SMC5: variants seen among roughly 807,000 people sequenced by gnomAD.
SMC5 encodes structural maintenance of chromosomes 5.
A neutral mutation model predicts 148.3 loss-of-function variants in SMC5; 88 were observed. The observed-to-expected ratio is 0.59, with a 90% CI of 0.50 to 0.71. SMC5 has a LOEUF of 0.71. Among genes scored for constraint, SMC5 ranks in the 30% least tolerant of loss-of-function variants. The pLI is 0.00. For synonymous variants in SMC5, 421 were observed against 432.8 expected, an observed-to-expected ratio of 0.97 and a Z score of 0.34; for missense variants, 1,142 against 1,298.9, an observed-to-expected ratio of 0.88 and a Z score of 1.86.
chr9:70,311,955 C>T (rs1486489973), intron 11 of SMC5: 2 of 151,674 alleles, frequency 1.3e-5, no homozygotes, highest in African/African-American at 4.8e-5. Flanking sequence ...TTTCACACTG[C>T]TATAAAGAAC....
At chr9:70,295,403 G>A (rs1221806072) in intron 8 of SMC5, among the ~76,000 whole-genome samples, 4 of 151,008 alleles carry the variant, frequency 2.6e-5, no homozygotes, top group Admixed American at 6.6e-5. Flanking sequence ...CCCAGGAGGC[G>A]GAGCTTGCAG....
In SMC5 at chr9:70,347,919, G is replaced by A. The variant is rs767165832; in HGVS notation, c.2770G>A (p.Val924Ile). ...GTTTTTATATTGCCTTTATTTGTAG[G>A]TAAAAGAAAGGTGGCTTAATCCTTT... ...LDQYRENISQ[V>I]KERWLNPLKE... The change falls in exon 22 of 25, where the codon GTA becomes ATA. Residue 924 changes from valine to isoleucine, a missense_variant and splice_region_variant. Around this residue, in one of 5 missense-constraint regions of SMC5, gnomAD observed 743 missense variants for 835.7 expected, o/e 0.89. Coordinates refer to ENST00000361138, the MANE Select transcript of SMC5 (RefSeq NM_015110.4). 2 of 1,576,386 alleles carry A rather than the reference G, an allele frequency of 1.3e-6. No homozygotes were observed. Among genetic ancestry groups the A allele is most frequent in the Non-Finnish European group, 1.7e-6 (2 of 1,163,146 alleles).
rs185409019 is a variant in SMC5, at chr9:70,323,614, A to G, written c.2274+8A>G. On this transcript the variant is annotated splice_region_variant and intron_variant, in intron 16 of 24. Coordinates refer to ENST00000361138, the MANE Select transcript of SMC5 (RefSeq NM_015110.4). ...TTAACAAACCTAATAAAGGTAAGGT[A>G]TTGTTTTAATTTTAGTCATTTTTTA... 6.8e-5 allele frequency: 109 copies of G among 1,603,632 alleles called. No individual in the cohort carries two copies. The highest frequency in any genetic ancestry group is 3.8e-4 in the Admixed American group (22 of 57,892).
At position 70,291,196 on chromosome 9, in the gene SMC5, G is replaced by A. The variant is rs73448908; in HGVS notation, c.1053+4925G>A. 3.7e-3 allele frequency among the ~76,000 whole-genome samples: 566 copies of A among 152,214 alleles called. 4 individuals are homozygous for A. The highest frequency in any genetic ancestry group is 0.012 in the African/African-American group (483 of 41,538). ...AAGTCACTACTAGGTTAGTTTAGTG[G>A]TTAGCTAATGACTGAATCTGTATTT... On this transcript the variant is annotated intron_variant, in intron 8 of 24. Coordinates refer to ENST00000361138, the MANE Select transcript of SMC5 (RefSeq NM_015110.4).
chr9:70,293,722 A>G (rs1375559479), intron 8 of SMC5, among the ~76,000 whole-genome samples: 1 of 152,110 alleles, frequency 6.6e-6, no homozygotes, highest in East Asian at 1.9e-4. Flanking sequence ...GGTATTAGAC[A>G]TTTAGACTAT....
rs1326316088 is a variant in SMC5, at chr9:70,347,280, T to C, written c.2664+119T>C. ...TGCCTCCCACTCTGTACTAGAGCTC[T>C]TGGTAATAATAAGCTAGACAGCAGG... is the stretch of plus-strand genomic sequence containing the variant. On this transcript the variant is annotated intron_variant, in intron 20 of 24. Coordinates refer to ENST00000361138, the MANE Select transcript of SMC5 (RefSeq NM_015110.4). The C allele has an allele frequency of 4.4e-6, 3 of 677,316 alleles. No homozygotes were observed. The African/African-American group carries it at 5.5e-5, about 12-fold the overall frequency. 42.0% of individuals were successfully genotyped at this position (677,316 alleles called of 1,614,324 possible). A position where few individuals can be genotyped will look rare whatever the true frequency, so the allele number is the denominator to read the frequency against.
chr9:70,331,914 A>T (rs2036228693), intron 17 of SMC5, among the ~76,000 whole-genome samples: 1 of 152,158 alleles, frequency 6.6e-6, no homozygotes, highest in Non-Finnish European at 1.5e-5. Context: ...GAGCCCTATG[A>T]TTGCCTCATC....
intron 3 of SMC5, 149 bp downstream of exon 3, chr9:70,268,124 A>G: frequency 1.6e-6 from 1 of 631,856 alleles, no homozygotes; most frequent in Non-Finnish European, 2.5e-6. Flanking sequence ...CCAGATAAGT[A>G]AGGGGTTTAA....
intron 6 of SMC5, 31 bp from the exon 7 acceptor site, chr9:70,282,388 GGCA>G: frequency 6.4e-7 from 1 of 1,559,274 alleles, no homozygotes; most frequent in Non-Finnish European, 8.6e-7. Flanking sequence ...TTTAAGGTAG[GGCA>G]TTAACTTCTG....
At chr9:70,269,424 A>C (rs1004302808) in intron 3 of SMC5, among the ~76,000 whole-genome samples, 1 of 152,036 alleles carries the variant, frequency 6.6e-6, no homozygotes, top group South Asian at 2.1e-4. Context: ...TCTACAAAAA[A>C]TACAAAAATT....
chr9:70,307,956 G>T (rs903029705), intron 11 of SMC5, among the ~76,000 whole-genome samples: 1 of 152,232 alleles, frequency 6.6e-6, no homozygotes, highest in Middle Eastern at 3.4e-3. Flanking sequence ...CATCTTGAGT[G>T]TATCTTTTTG....
intron 3 of SMC5, 39 bp from the exon 4 acceptor site, chr9:70,277,271 A>G: frequency 7.3e-7 from 1 of 1,369,790 alleles, no homozygotes; most frequent in Non-Finnish European, 9.6e-7. Flanking sequence ...TAATGTATAT[A>G]TTTTGAATAT....
In SMC5 at chr9:70,278,579, A is replaced by G. The variant is rs746177713; in HGVS notation, c.632A>G (p.Tyr211Cys). The G allele has an allele frequency of 6.2e-6, 10 of 1,612,118 alleles. No homozygotes were observed. In the South Asian group the frequency reaches 1.1e-4, roughly 18 times the overall value. The change falls in exon 5 of 25, where the codon TAT (tyrosine) becomes TGT (cysteine). Residue 211 changes from tyrosine (Y) to cysteine (C), a missense_variant. This residue lies in a region of SMC5 where 297 missense variants were observed against 302.6 expected (regional missense o/e 0.98). Coordinates refer to ENST00000361138, the MANE Select transcript of SMC5 (RefSeq NM_015110.4). ...ATTGGTCCCCCAGAAATGCACAAATATCACTGTGAACTCAAAAACTTAAGG... is the reference window on the plus strand; with the variant it reads ...ATTGGTCCCCCAGAAATGCACAAATGTCACTGTGAACTCAAAAACTTAAGG... ...KSIGPPEMHK[Y>C]HCELKNLREK...
chr9:70,349,221 C>A (rs761354712), intron 22 of SMC5, among the ~76,000 whole-genome samples: 74 of 152,282 alleles, frequency 4.9e-4, no homozygotes, highest in Non-Finnish European at 9.7e-4. Context: ...TGCCTGCCAC[C>A]ATGCCCGGCT....
At chr9:70,341,954 G>A (rs1355568743) in intron 17 of SMC5, among the ~76,000 whole-genome samples, 3 of 149,540 alleles carry the variant, frequency 2.0e-5, no homozygotes, top group East Asian at 3.9e-4. Flanking sequence ...ATTTATTGCG[G>A]CACTATTCAC....
intron 18 of SMC5, 100 bp from the exon 19 acceptor site, chr9:70,346,505 T>C: frequency 1.7e-6 from 2 of 1,147,384 alleles, no homozygotes; most frequent in Non-Finnish European, 2.6e-6. Flanking sequence ...AATTAGATTC[T>C]CAGGATGCTT....
intron 1 of SMC5, among the ~76,000 whole-genome samples, chr9:70,261,880 A>G (rs1404993647): frequency 2.0e-5 from 3 of 152,226 alleles, no homozygotes; most frequent in Admixed American, 1.3e-4. Flanking sequence ...ATCACCTGCT[A>G]CATTGAAGTC....
rs771845452 is a variant in SMC5, at chr9:70,323,508, T to C, written c.2176T>C (p.Cys726Arg). The change falls in exon 16 of 25, where the codon TGC becomes CGC. Residue 726 changes from cysteine to arginine, a missense_variant. Around this residue, in one of 5 missense-constraint regions of SMC5, gnomAD observed 743 missense variants for 835.7 expected, o/e 0.89. Transcript: ENST00000361138. Reference protein sequence around the residue: ...GSLKLMEQDTCNLEEEERKAS... With the variant: ...GSLKLMEQDTRNLEEEERKAS... ...TTTAAAGCTGATGGAACAGGATACTTGCAATCTTGAAGAGGAAGAGCGAAA... is the reference window on the plus strand; with the variant it reads ...TTTAAAGCTGATGGAACAGGATACTCGCAATCTTGAAGAGGAAGAGCGAAA... 2 of 1,611,432 alleles carry C rather than the reference T, an allele frequency of 1.2e-6. No individual in the cohort carries two copies. Among genetic ancestry groups the C allele is most frequent in the Non-Finnish European group, 1.7e-6 (2 of 1,179,474 alleles).
intron 18 of SMC5, among the ~76,000 whole-genome samples, chr9:70,345,063 A>G (rs1425069881): frequency 2.0e-5 from 3 of 152,200 alleles, no homozygotes; most frequent in Non-Finnish European, 2.9e-5. Flanking sequence ...TTGGATACAT[A>G]CTAGGAACTT....
Sources: allele counts gnomAD v4.1 joint callset (sites outside exome capture counted in the v4.1 genomes callset), GRCh38; gene constraint gnomAD v4.1.1; regional missense constraint gnomAD v4.1.1; transcripts MANE v1.5; gene names NCBI Gene and HGNC (gene_info 2026-07-23, HGNC 2026-07-21).